The following RASSF3 variants were observed in gnomAD, a reference collection of about 807,000 sequenced individuals.
The protein encoded by RASSF3 is Ras association domain family member 3, also known as ras association domain-containing protein 3.
In RASSF3, 19 loss-of-function variants were observed where a neutral mutation model predicts 19.9. That is an observed-to-expected ratio of 0.96 (90% CI 0.67 to 1.40). The LOEUF is 1.40. Among genes scored for constraint, RASSF3 ranks in the 40% most tolerant of loss-of-function variants. The pLI, the probability that RASSF3 is intolerant of heterozygous loss-of-function variation, is 0.00. For missense variants in RASSF3, 306 were observed against 289.8 expected, an observed-to-expected ratio of 1.06 and a Z score of -0.41; for synonymous variants, 110 against 104.2, an observed-to-expected ratio of 1.06 and a Z score of -0.34.
At chr12:64,603,722 T>C (rs940626762) in intron 2 of RASSF3, among the ~76,000 whole-genome samples, 2 of 152,270 alleles carry the variant, frequency 1.3e-5, no homozygotes, top group Non-Finnish European at 2.9e-5. Flanking sequence ...TTAAGAATCC[T>C]ATAAGGTAAG....
intron 2 of RASSF3, among the ~76,000 whole-genome samples, chr12:64,597,079 T>C (rs556947749): frequency 6.6e-6 from 1 of 152,222 alleles, no homozygotes; most frequent in Admixed American, 6.5e-5. Flanking sequence ...AGTGTATTTT[T>C]TTTTAACACG....
At chr12:64,516,568 G>A (rs1442921736) in intron 1 of RASSF3, among the ~76,000 whole-genome samples, 1 of 145,006 alleles carries the variant, frequency 6.9e-6, no homozygotes, top group Non-Finnish European at 1.5e-5. Context: ...GCAGTGAGCC[G>A]AGATCCCGCC....
rs1312538031 is a variant in RASSF3 at position 64,641,568 on chromosome 12, A to G, written c.111+30825A>G. Among the ~76,000 whole-genome samples the G allele has an allele frequency of 4.0e-5, 6 of 151,260 alleles. No individual in the cohort carries two copies. The Middle Eastern group carries it at 0.011, about 266-fold the overall frequency. On this transcript the variant is annotated intron_variant, in intron 1 of 4. Transcript: ENST00000542104. ...CCCAGCACTTTGGGAGGCCAAGGCCAGGAGGATTACTTGAGCTCAGGAGTT... is the reference window on the plus strand; with the variant it reads ...CCCAGCACTTTGGGAGGCCAAGGCCGGGAGGATTACTTGAGCTCAGGAGTT...
intron 1 of RASSF3, chr12:64,654,940 C>T (rs1326002310): frequency 1.3e-5 from 2 of 152,144 alleles, no homozygotes; most frequent in African/African-American, 4.8e-5. Context: ...GTTGACTTCT[C>T]TCATCTCCAA....
intron 1 of RASSF3, among the ~76,000 whole-genome samples, chr12:64,612,944 C>A (rs181948863): frequency 6.6e-6 from 1 of 152,280 alleles, no homozygotes; most frequent in Admixed American, 6.5e-5. Flanking sequence ...TGAAGAGCTT[C>A]ATATGTGTAT....
rs1873293571 is a variant in RASSF3, at chr12:64,684,982, G to C, written c.219+88G>C. The C allele has an allele frequency of 9.0e-6, 7 of 779,298 alleles. No individual in the cohort carries two copies. In the South Asian group the frequency reaches 1.0e-4, roughly 12 times the overall value. The allele number at this position is 779,298 out of a possible 1,614,324, so 48.3% of individuals were successfully genotyped here. On this transcript the variant is annotated intron_variant, in intron 2 of 4. Coordinates refer to ENST00000542104, the MANE Select transcript of RASSF3 (RefSeq NM_178169.4). ...CTACAATCTATAGTTCTAAATATCT[G>C]AATAGCATTTGTAGAAGTGTAGTAG...
intron 1 of RASSF3, among the ~76,000 whole-genome samples, chr12:64,513,696 G>C (rs139323086): frequency 1.9e-3 from 294 of 152,124 alleles, no homozygotes; most frequent in African/African-American, 6.7e-3. Context: ...CAGCAGCAAG[G>C]CTCAAATCTC....
chr12:64,617,638 A>T (rs1160203788), intron 1 of RASSF3, among the ~76,000 whole-genome samples: 5 of 152,034 alleles, frequency 3.3e-5, no homozygotes, highest in Non-Finnish European at 7.4e-5. Flanking sequence ...ACTCACCGCA[A>T]CCTCTGCCTC....
chr12:64,534,357 T>C (rs1868777677), intron 1 of RASSF3, among the ~76,000 whole-genome samples: 1 of 151,904 alleles, frequency 6.6e-6, no homozygotes, highest in South Asian at 2.1e-4. Flanking sequence ...TAGCCAGTCA[T>C]GGTGGTGTGT....
chr12:64,513,998 TC>T (rs1274752622), intron 1 of RASSF3, among the ~76,000 whole-genome samples: 2 of 149,212 alleles, frequency 1.3e-5, no homozygotes, highest in African/African-American at 2.5e-5. Context: ...TCCTGCCTCA[TC>T]CTCCTGAGTA....
chr12:64,536,754 C>T (rs935156795), intron 1 of RASSF3, among the ~76,000 whole-genome samples: 4 of 152,190 alleles, frequency 2.6e-5, no homozygotes, highest in African/African-American at 9.7e-5. Flanking sequence ...GATGAGCAGG[C>T]AGGTGAGGGA....
intron 1 of RASSF3, among the ~76,000 whole-genome samples, chr12:64,682,728 C>T (rs998571155): frequency 2.0e-5 from 3 of 152,142 alleles, no homozygotes; most frequent in African/African-American, 7.2e-5. Flanking sequence ...GCTGTATTTA[C>T]GACACTAGCT....
intron 1 of RASSF3, among the ~76,000 whole-genome samples, chr12:64,612,535 C>T (rs1240339939): frequency 7.2e-6 from 1 of 138,076 alleles, no homozygotes; most frequent in Non-Finnish European, 1.5e-5. Flanking sequence ...GGCTGGAGTG[C>T]AGTCGTGTGA....
upstream of RASSF3, chr12:64,506,996 A>C (rs1284218396): frequency 5.1e-6 from 2 of 391,214 alleles, no homozygotes; most frequent in African/African-American, 4.1e-5. Flanking sequence ...TAGAAAGAAC[A>C]TCTATTAATA....
chr12:64,676,196 G>A (rs547686127), intron 1 of RASSF3, among the ~76,000 whole-genome samples: 261 of 141,216 alleles, frequency 1.8e-3, no homozygotes, highest in African/African-American at 6.5e-3. Flanking sequence ...TTTTGAGACG[G>A]AGTTTCGCTC....
At position 64,695,077 on chromosome 12, in the gene RASSF3, T is replaced by G. The variant is rs1868335694; in HGVS notation, c.*165T>G. 1.5e-6 allele frequency: 1 copy of G among 681,906 alleles called. No homozygotes were observed. The highest frequency in any genetic ancestry group is 3.0e-5 in the Admixed American group (1 of 33,852). 42.2% of individuals were successfully genotyped at this position (681,906 alleles called of 1,614,324 possible). ...ACCTGGTCACACAGCATCCTGCACCTTAGCGTCCCATGTAAGGGACTCTGC... is the reference window on the plus strand; with the variant it reads ...ACCTGGTCACACAGCATCCTGCACCGTAGCGTCCCATGTAAGGGACTCTGC... On this transcript the variant is annotated 3_prime_UTR_variant, in exon 5 of 5. Transcript: ENST00000542104.
chr12:64,682,951 G>A (rs1873194546), intron 1 of RASSF3, among the ~76,000 whole-genome samples: 1 of 152,190 alleles, frequency 6.6e-6, no homozygotes, highest in Admixed American at 6.5e-5. Context: ...GACCTTTGGG[G>A]ACTGATTGGA....
At chr12:64,684,976 A>G (rs962576857) in intron 2 of RASSF3, 82 bp downstream of exon 2, 20 of 801,640 alleles carry the variant, frequency 2.5e-5, no homozygotes, top group South Asian at 1.6e-4. Flanking sequence ...ATAGTTCTAA[A>G]TATCTGAATA....
At chr12:64,693,787 G>A (rs1057021470) in intron 4 of RASSF3, among the ~76,000 whole-genome samples, 2 of 152,204 alleles carry the variant, frequency 1.3e-5, no homozygotes, top group Non-Finnish European at 2.9e-5. Context: ...AGGGAAACAA[G>A]GCTCAGAGCC....
Sources: gnomAD v4.1 joint callset for allele counts (sites outside exome capture counted in the v4.1 genomes callset) on GRCh38, gnomAD v4.1.1 for gene constraint, MANE v1.5 for transcripts, NCBI Gene and HGNC (gene_info 2026-07-23, HGNC 2026-07-21) for gene names.